CCDC33: variants seen among roughly 807,000 people sequenced by gnomAD.
CCDC33 encodes coiled-coil domain containing 33.
A neutral mutation model predicts 91.9 loss-of-function variants in CCDC33; 94 were observed. The observed-to-expected ratio is 1.02, with a 90% confidence interval of 0.87 to 1.21. The LOEUF is 1.21. Ranked by LOEUF, CCDC33 falls within the 50% of genes most tolerant of loss-of-function variation. The pLI, the probability that CCDC33 is intolerant of heterozygous loss-of-function variation, is 0.00. For synonymous variants in CCDC33, 396 were observed against 374.5 expected, an observed-to-expected ratio of 1.06 and a Z score of -0.66; for missense variants, 940 against 935.5, an observed-to-expected ratio of 1.00 and a Z score of -0.06.
At chr15:74,241,046 C>T (rs940832246) in intron 1 of CCDC33, among the ~76,000 whole-genome samples, 3 of 152,178 alleles carry the variant, frequency 2.0e-5, no homozygotes, top group Non-Finnish European at 4.4e-5. Flanking sequence ...GGGCAGGGAA[C>T]AGCACTCTGG....
chr15:74,236,587 G>C lies in CCDC33; in HGVS notation c.-133G>C. On this transcript the variant is annotated 5_prime_UTR_variant, in exon 1 of 19. Coordinates refer to ENST00000398814, the MANE Select transcript of CCDC33 (RefSeq NM_025055.5). ...CTGAGACCACATTGACCTCCATACT[G>C]TCTACTACCCATAAGGACTCCAAGA... 1 of 672,630 alleles carries C rather than the reference G, an allele frequency of 1.5e-6. No homozygotes were observed. Among genetic ancestry groups the C allele is most frequent in the Non-Finnish European group, 2.5e-6 (1 of 392,850 alleles). 41.7% of individuals were successfully genotyped at this position (672,630 alleles called of 1,614,324 possible).
chr15:74,231,435 A>G (rs1159102711), upstream of CCDC33, among the ~76,000 whole-genome samples: 1 of 152,208 alleles, frequency 6.6e-6, no homozygotes, highest in Non-Finnish European at 1.5e-5. Context: ...CTTTGACACC[A>G]GTGTCTGCAG....
At chr15:74,312,488 C>T (rs2060010620) in intron 11 of CCDC33, among the ~76,000 whole-genome samples, 1 of 152,186 alleles carries the variant, frequency 6.6e-6, no homozygotes, top group Non-Finnish European at 1.5e-5. Context: ...TCCAGCGAGA[C>T]ATCGGTAAGT....
intron 1 of CCDC33, chr15:74,203,239 G>A (rs2074166560): frequency 1.0e-6 from 1 of 983,050 alleles, no homozygotes; most frequent in South Asian, 4.7e-5. Flanking sequence ...GATTTCACAA[G>A]GAGATAACTC....
At chr15:74,264,015 AT>A (rs2076098513) in intron 3 of CCDC33, among the ~76,000 whole-genome samples, 1 of 152,042 alleles carries the variant, frequency 6.6e-6, no homozygotes, top group South Asian at 2.1e-4. Flanking sequence ...AGAGGAAAAA[AT>A]GTAATAAGGT....
chr15:74,249,503 A>T (rs397708801), intron 2 of CCDC33, among the ~76,000 whole-genome samples: 1 of 151,576 alleles, frequency 6.6e-6, no homozygotes, highest in South Asian at 2.1e-4. Context: ...AATAATAAAA[A>T]AATAAAAACA....
At chr15:74,209,790 G>A in intron 2 of CCDC33, 1 of 248,474 alleles carries the variant, frequency 4.0e-6, no homozygotes. Flanking sequence ...ATGGTGCTCA[G>A]AGGGTGCTCC....
At position 74,207,733 on chromosome 15, in the gene CCDC33, G is replaced by A. The variant is rs1430234253; in HGVS notation, n.90-1655G>A. ...AGTCCCCTTGAGAGTCCATGAATAA[G>A]CAGCCGAGAGAGTCAACCTCATGCG... is the stretch of plus-strand genomic sequence containing the variant. On this transcript the variant is annotated intron_variant and non_coding_transcript_variant, in intron 1 of 3. Transcript: ENST00000558645. The A allele has an allele frequency of 7.2e-6, 11 of 1,535,596 alleles. No homozygotes were observed. In the South Asian group the frequency reaches 9.5e-5, roughly 13 times the overall value.
chr15:74,309,846 G>A (rs2059959122), intron 11 of CCDC33, among the ~76,000 whole-genome samples: 1 of 152,160 alleles, frequency 6.6e-6, no homozygotes, highest in African/African-American at 2.4e-5. Context: ...AGTATGAGGG[G>A]AACTTAAAAA....
chr15:74,331,813 T>G (rs2060445509), intron 15 of CCDC33, among the ~76,000 whole-genome samples: 1 of 152,144 alleles, frequency 6.6e-6, no homozygotes, highest in Admixed American at 6.5e-5. Context: ...GCAGATCACT[T>G]GAGGTCAGGA....
intron 11 of CCDC33, among the ~76,000 whole-genome samples, chr15:74,315,927 G>T (rs994268037): frequency 1.3e-5 from 2 of 152,136 alleles, no homozygotes; most frequent in Non-Finnish European, 2.9e-5. Flanking sequence ...AAGCCCCAAT[G>T]CCACCAGGCA....
At chr15:74,267,089 T>C (rs1159155898) in intron 4 of CCDC33, among the ~76,000 whole-genome samples, 2 of 152,172 alleles carry the variant, frequency 1.3e-5, no homozygotes, top group East Asian at 3.9e-4. Context: ...AAAGAGCGGA[T>C]CTAAAAATCA....
At position 74,332,797 on chromosome 15, in the gene CCDC33, G is replaced by T; in HGVS notation, c.1890G>T (p.Lys630Asn). 6.2e-7 allele frequency: 1 copy of T among 1,614,190 alleles called. No homozygotes were observed. Among genetic ancestry groups the T allele is most frequent in the Admixed American group, 1.7e-5 (1 of 60,030 alleles). Residue 630 changes from lysine (K) to asparagine (N), a missense_variant, in exon 16 of 19, where the codon AAG becomes AAT. Lys to Asn is a moderately conservative substitution (Grantham distance 94). Coordinates refer to ENST00000398814, the MANE Select transcript of CCDC33 (RefSeq NM_025055.5). Reference sequence around the variant, plus strand: ...CGAAGCTGCGGACGGAGCTGGATAAGAACCGCCACCAGCAGGCCCCCATCA... The same window carrying T: ...CGAAGCTGCGGACGGAGCTGGATAATAACCGCCACCAGCAGGCCCCCATCA... The part of the protein sequence containing the change: ...ENAKLRTELD[K>N]NRHQQAPIIL...
At position 74,236,599 on chromosome 15, in the gene CCDC33, T is replaced by G; in HGVS notation, c.-121T>G. The G allele has an allele frequency of 1.6e-6, 1 of 624,890 alleles. No homozygotes were observed. The highest frequency in any genetic ancestry group is 2.7e-6 in the Non-Finnish European group (1 of 373,892). The allele number at this position is 624,890 out of a possible 1,614,324, so 38.7% of individuals were successfully genotyped here. A position where few individuals can be genotyped will look rare whatever the true frequency, so the allele number is the denominator to read the frequency against. On this transcript the variant is annotated 5_prime_UTR_variant, in exon 1 of 19. Coordinates refer to ENST00000398814, the MANE Select transcript of CCDC33 (RefSeq NM_025055.5). ...TGACCTCCATACTGTCTACTACCCA[T>G]AAGGACTCCAAGACGCCCAGGCCAG...
chr15:74,322,285 T>G (rs1458752671), intron 11 of CCDC33, among the ~76,000 whole-genome samples: 1 of 152,256 alleles, frequency 6.6e-6, no homozygotes, highest in Non-Finnish European at 1.5e-5. Context: ...AGTCCTCAGC[T>G]GGGACGACCT....
intron 2 of CCDC33, among the ~76,000 whole-genome samples, chr15:74,249,412 C>T (rs2142302765): frequency 6.6e-6 from 1 of 152,094 alleles, no homozygotes; most frequent in East Asian, 1.9e-4. Flanking sequence ...GGCGTAAATC[C>T]AGGAGGTGGA....
At chr15:74,272,558 C>T (rs1020475533) in intron 6 of CCDC33, among the ~76,000 whole-genome samples, 1 of 152,214 alleles carries the variant, frequency 6.6e-6, no homozygotes, top group Non-Finnish European at 1.5e-5. Flanking sequence ...GTTTTTATGA[C>T]TTATGAAGCC....
chr15:74,239,999 C>T (rs1023066089), intron 1 of CCDC33, among the ~76,000 whole-genome samples: 5 of 152,204 alleles, frequency 3.3e-5, no homozygotes, highest in African/African-American at 1.2e-4. Context: ...CCCATCCAGA[C>T]ATGGGAATAA....
At chr15:74,279,743 G>C (rs141284722) in intron 7 of CCDC33, among the ~76,000 whole-genome samples, 2,898 of 152,214 alleles carry the variant, frequency 0.019, 41 homozygotes, top group South Asian at 0.061. Flanking sequence ...TGCCATGTTG[G>C]CCAGGCTGGT....
Sources: allele counts gnomAD v4.1 joint callset (sites outside exome capture counted in the v4.1 genomes callset), GRCh38; gene constraint gnomAD v4.1.1; transcripts MANE v1.5; gene names NCBI Gene and HGNC (gene_info 2026-07-23, HGNC 2026-07-21).